The following EMSY variants were observed in gnomAD, a reference collection of about 807,000 sequenced individuals.
The protein encoded by EMSY is EMSY transcriptional repressor, BRCA2 interacting.
A neutral mutation model predicts 134.6 loss-of-function variants in EMSY; 26 were observed. The ratio of observed to expected loss-of-function variants is 0.19; its 90% CI spans 0.14 to 0.27. EMSY has a LOEUF of 0.27. EMSY is among the 10% of genes least tolerant of loss of function. The pLI, the probability that EMSY is intolerant of heterozygous loss-of-function variation, is 1.00. For missense variants in EMSY, 1,305 were observed against 1,611.4 expected (o/e 0.81, Z 3.26); for synonymous variants, 579 against 577.8 (o/e 1.00, Z -0.03).
chr11:76,498,574 T>G (rs1387255583), intron 9 of EMSY, among the ~76,000 whole-genome samples: 1 of 152,222 alleles, frequency 6.6e-6, no homozygotes, highest in Non-Finnish European at 1.5e-5. Flanking sequence ...TGTCTCATTA[T>G]GTAGCGTTCC....
intron 2 of EMSY, among the ~76,000 whole-genome samples, chr11:76,447,327 T>G (rs1021030954): frequency 5.3e-5 from 8 of 152,192 alleles, no homozygotes; most frequent in Admixed American, 2.0e-4. Flanking sequence ...AAGGTAGGTG[T>G]TTTTTGTTTG....
At chr11:76,545,962 T>A (rs1951631538) in exon 20 of EMSY, 1 of 1,614,064 alleles carries the variant, frequency 6.2e-7, no homozygotes, top group African/African-American at 1.3e-5. Flanking sequence ...GACAGCAGTG[T>A]CTGACATTTT....
At chr11:76,533,913 G>C (rs1444807943) in intron 14 of EMSY, among the ~76,000 whole-genome samples, 3 of 152,150 alleles carry the variant, frequency 2.0e-5, no homozygotes, top group Non-Finnish European at 4.4e-5. Flanking sequence ...TAAGCCAAAA[G>C]TAGGAGAGAG....
chr11:76,514,224 G>A (rs1950372288), intron 10 of EMSY, among the ~76,000 whole-genome samples: 1 of 151,994 alleles, frequency 6.6e-6, no homozygotes, highest in African/African-American at 2.4e-5. Context: ...GTTATTATAA[G>A]TACTAAATGA....
chr11:76,544,896 TA>T, intron 19 of EMSY, 74 bp downstream of exon 20: 1 of 1,440,146 alleles, frequency 6.9e-7, no homozygotes, highest in Non-Finnish European at 9.5e-7. Context: ...ATCACGACCC[TA>T]TCATGATATC....
rs67150598 is a variant in EMSY at position 76,488,524 on chromosome 11, A to AT, written c.1109-7681dup. 3.6e-5 allele frequency among the ~76,000 whole-genome samples: 5 copies of AT among 138,744 alleles called. No homozygotes were observed. In the East Asian group the frequency reaches 6.0e-4, roughly 17 times the overall value. The allele number at this position is 138,744 out of a possible 152,430, so 91.0% of individuals were successfully genotyped here. A position where few individuals can be genotyped will look rare whatever the true frequency, so the allele number is the denominator to read the frequency against. The stretch of plus-strand genomic sequence containing the variant: ...ACAGAGCCCATGGATTATTTATGCT[A>AT]TTTTTTTTTTGTTTTTTTTTTTATT... On this transcript the variant is annotated intron_variant, in intron 8 of 20. Coordinates refer to ENST00000334736, the Ensembl canonical transcript of EMSY.
At chr11:76,507,445 G>A (rs909640804) in intron 9 of EMSY, among the ~76,000 whole-genome samples, 2 of 152,166 alleles carry the variant, frequency 1.3e-5, no homozygotes, top group Non-Finnish European at 2.9e-5. Context: ...TCTTTTAAAC[G>A]TGCCATTGCT....
At chr11:76,446,333 A>ATG (rs1947398007) in intron 1 of EMSY, among the ~76,000 whole-genome samples, 5 of 59,726 alleles carry the variant, frequency 8.4e-5, no homozygotes, top group Non-Finnish European at 1.6e-4. Context: ...GTATATATAT[A>ATG]TGTATATATA....
At chr11:76,524,175 A>G (rs1414239656) in intron 12 of EMSY, among the ~76,000 whole-genome samples, 4 of 152,214 alleles carry the variant, frequency 2.6e-5, no homozygotes, top group Non-Finnish European at 5.9e-5. Flanking sequence ...CTTGGGTGAC[A>G]TACTCAACCT....
At chr11:76,547,537 C>T (rs540331286) in intron 20 of EMSY, among the ~76,000 whole-genome samples, 2 of 152,148 alleles carry the variant, frequency 1.3e-5, no homozygotes, top group Non-Finnish European at 2.9e-5. Flanking sequence ...GGCAAGGCTA[C>T]TTAACGTCAT....
At chr11:76,534,893 T>A (rs2136506067) in intron 14 of EMSY, among the ~76,000 whole-genome samples, 1 of 152,216 alleles carries the variant, frequency 6.6e-6, no homozygotes, top group Admixed American at 6.5e-5. Context: ...GACAAAGGAG[T>A]TTAGGAAGTT....
At chr11:76,491,753 A>G (rs549816076) in intron 8 of EMSY, among the ~76,000 whole-genome samples, 1 of 152,328 alleles carries the variant, frequency 6.6e-6, no homozygotes, top group South Asian at 2.1e-4. Flanking sequence ...AACTCTTCTC[A>G]GTGTAGATGC....
At chr11:76,518,956 A>C (rs1950553332) in intron 11 of EMSY, among the ~76,000 whole-genome samples, 1 of 151,272 alleles carries the variant, frequency 6.6e-6, no homozygotes, top group African/African-American at 2.4e-5. Context: ...CCTCTGTATA[A>C]ATATCCTAGA....
At chr11:76,526,719 G>C (rs139648806) in intron 13 of EMSY, 84 bp downstream of exon 14, 1 of 1,293,780 alleles carries the variant, frequency 7.7e-7, no homozygotes, top group African/African-American at 1.5e-5. Flanking sequence ...TGAAGGAAAA[G>C]ATCAGCAATC....
intron 11 of EMSY, among the ~76,000 whole-genome samples, chr11:76,517,485 A>G (rs1950488086): frequency 6.6e-6 from 1 of 152,178 alleles, no homozygotes; most frequent in East Asian, 1.9e-4. Flanking sequence ...AAGGGATCTT[A>G]TATTTCATTG....
chr11:76,532,139 C>G (rs1220422588), intron 14 of EMSY, among the ~76,000 whole-genome samples: 1 of 152,042 alleles, frequency 6.6e-6, no homozygotes, highest in Non-Finnish European at 1.5e-5. Flanking sequence ...TAATTGTTTT[C>G]TTTTCCACTA....
chr11:76,521,204 G>A (rs770384442), intron 11 of EMSY, among the ~76,000 whole-genome samples: 2 of 152,124 alleles, frequency 1.3e-5, no homozygotes, highest in Non-Finnish European at 2.9e-5. Flanking sequence ...GTACTCTGGA[G>A]TACATGCTAA....
At chr11:76,446,604 G>A (rs566927036) in intron 1 of EMSY, among the ~76,000 whole-genome samples, 1 of 152,214 alleles carries the variant, frequency 6.6e-6, no homozygotes, top group East Asian at 1.9e-4. Flanking sequence ...AAACTGGGTG[G>A]TATTACCTCT....
intron 10 of EMSY, among the ~76,000 whole-genome samples, chr11:76,515,147 C>T (rs1359197909): frequency 6.9e-6 from 1 of 145,462 alleles, no homozygotes; most frequent in African/African-American, 2.5e-5. Flanking sequence ...CTCCCGTTCT[C>T]CCTTTTTGGG....
Sources: gnomAD v4.1 joint callset for allele counts (sites outside exome capture counted in the v4.1 genomes callset) on GRCh38, gnomAD v4.1.1 for gene constraint, MANE v1.5 for transcripts, NCBI Gene and HGNC (gene_info 2026-07-23, HGNC 2026-07-21) for gene names.